The following EFHC1 variants were observed in gnomAD, a reference collection of about 807,000 sequenced individuals.
The protein encoded by EFHC1 is EF-hand domain-containing protein 1.
Under a neutral mutation model 69.9 loss-of-function variants are expected in EFHC1, and 53 were observed. That is an observed-to-expected ratio of 0.76 (90% confidence interval 0.61 to 0.95). The LOEUF (loss-of-function observed/expected upper bound fraction) is 0.95. Among genes scored for constraint, EFHC1 ranks in the 40% least tolerant of loss-of-function variants. The pLI, the probability that EFHC1 is intolerant of heterozygous loss-of-function variation, is 0.00. For synonymous variants in EFHC1, 256 were observed against 278.4 expected (o/e 0.92, Z 0.80); for missense variants, 739 against 798.7 (o/e 0.93, Z 0.90).
chr6:52,448,526 A>T (rs1028063169), intron 3 of EFHC1, among the ~76,000 whole-genome samples: 1 of 152,070 alleles, frequency 6.6e-6, no homozygotes, highest in African/African-American at 2.4e-5. Context: ...TTCCCAGATG[A>T]GGCAATGCCC....
At chr6:52,461,379 G>A (rs1489477442) in intron 5 of EFHC1, among the ~76,000 whole-genome samples, 1 of 152,144 alleles carries the variant, frequency 6.6e-6, no homozygotes, top group East Asian at 1.9e-4. Context: ...CTGCATCCAT[G>A]TTCCTGCACA....
In EFHC1 at chr6:52,454,160, C is replaced by T. The variant is rs148936911; in HGVS notation, c.789C>T (p.Ile263=). 1.9e-6 allele frequency: 3 copies of T among 1,613,938 alleles called. No homozygotes were observed. In the African/African-American group the frequency reaches 4.0e-5, roughly 22 times the overall value. ...DSMYGECRTY[I]IHYYLMDDTV... ...TGTATGGTGAATGTCGGACCTACAT[C>T]ATTCATTACTATCTTATGGATGATA... Residue 263 remains isoleucine, a synonymous_variant, in exon 5 of 11, where the codon ATC becomes ATT. Coordinates refer to ENST00000371068, the MANE Select transcript of EFHC1 (RefSeq NM_018100.4).
chr6:52,479,658 T>C lies in EFHC1; in HGVS notation c.1511T>C (p.Ile504Thr). 5 of 1,614,198 alleles carry C rather than the reference T, an allele frequency of 3.1e-6. No homozygotes were observed. Among genetic ancestry groups the C allele is most frequent in the Non-Finnish European group, 4.2e-6 (5 of 1,180,034 alleles). Residue 504 changes from isoleucine (I) to threonine (T), a missense_variant, in exon 9 of 11, where the codon ATC becomes ACC. Physicochemically the swap from Ile to Thr is moderately conservative, Grantham distance 89 (BLOSUM62 -1). Coordinates refer to ENST00000371068, the MANE Select transcript of EFHC1 (RefSeq NM_018100.4). ...TCTCCAGTGTTTGGTCACCGGTTCA[T>C]CATCCTTGATACAGACGAGTATGTT... The part of the protein sequence containing the change: ...AVIEVFGHRF[I>T]ILDTDEYVLK...
At chr6:52,478,785 A>G (rs1765599864) in intron 7 of EFHC1, among the ~76,000 whole-genome samples, 1 of 152,238 alleles carries the variant, frequency 6.6e-6, no homozygotes, top group South Asian at 2.1e-4. Flanking sequence ...TGAAAGATCT[A>G]GCAACATTGG....
At chr6:52,456,185 C>T (rs901942643) in intron 5 of EFHC1, among the ~76,000 whole-genome samples, 1 of 152,092 alleles carries the variant, frequency 6.6e-6, no homozygotes, top group Non-Finnish European at 1.5e-5. Flanking sequence ...GCTAATTCAG[C>T]TTGTATTCTC....
At chr6:52,479,978 T>A in intron 9 of EFHC1, 191 bp downstream of exon 9, 1 of 885,378 alleles carries the variant, frequency 1.1e-6, no homozygotes, top group Non-Finnish European at 1.7e-6. Flanking sequence ...TTCATTTGTT[T>A]AGCAAATACA....
chr6:52,443,877 G>A (rs1359405986), intron 3 of EFHC1, among the ~76,000 whole-genome samples: 1 of 152,212 alleles, frequency 6.6e-6, no homozygotes, highest in East Asian at 1.9e-4. Context: ...ATTACCTTGT[G>A]CAGTATGGCC....
Position 52,438,415 on chromosome 6 carries a change from G to C in EFHC1, c.397G>C (p.Val133Leu). The change falls in exon 3 of 11, where the codon GTC becomes CTC. Residue 133 changes from valine (V) to leucine (L), a missense_variant. Transcript: ENST00000371068. Reference protein sequence around the residue: ...YYYLEDDSMSVIEPVVENSGI... With the variant: ...YYYLEDDSMSLIEPVVENSGI... ...TTATCTAGAAGATGACAGCATGTCT[G>C]TCATAGAGCCTGTTGTAGAAAATTC... 6.2e-7 allele frequency: 1 copy of C among 1,614,048 alleles called. No individual in the cohort carries two copies. The highest frequency in any genetic ancestry group is 1.3e-5 in the African/African-American group (1 of 75,028).
Position 52,493,724 on chromosome 6 carries a change from T to C in EFHC1, c.*1383T>C, listed in dbSNP as rs745860987. ...CCTTGAGAGAGGAAGGAAAGACTAGTTGCAGTTACTATTCTCTGGTGAGCT... is the reference window on the plus strand; with the variant it reads ...CCTTGAGAGAGGAAGGAAAGACTAGCTGCAGTTACTATTCTCTGGTGAGCT... On this transcript the variant is annotated 3_prime_UTR_variant, in exon 11 of 11. Coordinates refer to ENST00000371068, the MANE Select transcript of EFHC1 (RefSeq NM_018100.4). 2.2e-5 allele frequency: 10 copies of C among 453,884 alleles called. No individual in the cohort carries two copies. Among genetic ancestry groups the C allele is most frequent in the Middle Eastern group, 6.8e-4 (1 of 1,466 alleles). The allele number at this position is 453,884 out of a possible 1,614,324, so 28.1% of individuals were successfully genotyped here.
Position 52,494,008 on chromosome 6 carries a change from G to A in EFHC1, c.*1667G>A, listed in dbSNP as rs1354060945. ...AATGTATTATGTTGATTCCTTTTCT[G>A]TTCCAGGTTATTATCTTGGGAATAA... is the stretch of plus-strand genomic sequence containing the variant. On this transcript the variant is annotated 3_prime_UTR_variant, in exon 11 of 11. Coordinates refer to ENST00000371068, the MANE Select transcript of EFHC1 (RefSeq NM_018100.4). The A allele has an allele frequency of 2.2e-6, 1 of 454,042 alleles. No individual in the cohort carries two copies. The allele number at this position is 454,042 out of a possible 1,614,324, so 28.1% of individuals were successfully genotyped here. A position where few individuals can be genotyped will look rare whatever the true frequency, so the allele number is the denominator to read the frequency against.
At chr6:52,468,698 G>A (rs1765367782) in intron 6 of EFHC1, 1 of 154,398 alleles carries the variant, frequency 6.5e-6, no homozygotes, top group South Asian at 2.0e-4. Context: ...CGTCAGCTCA[G>A]GGTTCCTCTG....
intron 1 of EFHC1, chr6:52,421,110 C>T (rs1024454479): frequency 4.4e-6 from 4 of 902,670 alleles, no homozygotes; most frequent in Non-Finnish European, 5.3e-6. Flanking sequence ...CAACCCCATT[C>T]TTTTTTCTCC....
chr6:52,471,194 A>G (rs986757926), intron 7 of EFHC1, among the ~76,000 whole-genome samples: 1 of 152,184 alleles, frequency 6.6e-6, no homozygotes, highest in Non-Finnish European at 1.5e-5. Flanking sequence ...ATTGGAATCT[A>G]TTTAGGGCCT....
chr6:52,432,913 G>A (rs565201671), intron 2 of EFHC1, among the ~76,000 whole-genome samples: 1 of 151,720 alleles, frequency 6.6e-6, no homozygotes, highest in South Asian at 2.1e-4. Context: ...TTGTTGGATT[G>A]GGTTAATTAG....
intron 5 of EFHC1, 72 bp downstream of exon 5, chr6:52,454,359 A>G: frequency 6.3e-7 from 1 of 1,595,908 alleles, no homozygotes; most frequent in South Asian, 1.1e-5. Context: ...CTTAATCAGT[A>G]TGCAAAATTC....
intron 2 of EFHC1, among the ~76,000 whole-genome samples, chr6:52,430,777 G>A (rs1429171293): frequency 6.6e-6 from 1 of 152,076 alleles, no homozygotes; most frequent in Non-Finnish European, 1.5e-5. Context: ...AGTGCCAATA[G>A]TACCAGTTTT....
intron 2 of EFHC1, among the ~76,000 whole-genome samples, chr6:52,429,693 T>TA (rs1268766262): frequency 4.6e-5 from 7 of 152,304 alleles, no homozygotes; most frequent in Admixed American, 1.3e-4. Flanking sequence ...TTAGGTTCTA[T>TA]ATGAAGTTTA....
chr6:52,454,013 C>T (rs1291672159), intron 4 of EFHC1, 82 bp from the exon 5 acceptor site: 4 of 1,606,260 alleles, frequency 2.5e-6, no homozygotes, highest in Admixed American at 3.4e-5. Context: ...GTCTTTCCAT[C>T]GTTGATACAT....
intron 10 of EFHC1, 120 bp downstream of exon 10, chr6:52,490,470 A>T: frequency 1.2e-6 from 1 of 835,524 alleles, no homozygotes; most frequent in Non-Finnish European, 2.0e-6. Context: ...TTCAGATCAG[A>T]TCTACTATTC....
Sources: allele counts gnomAD v4.1 joint callset (sites outside exome capture counted in the v4.1 genomes callset), GRCh38; gene constraint gnomAD v4.1.1; transcripts MANE v1.5; gene names NCBI Gene and HGNC (gene_info 2026-07-23, HGNC 2026-07-21).